Variants in CMIP observed in about 807,000 individuals in gnomAD.
The protein encoded by CMIP is C-Maf-inducing protein.
Under a neutral mutation model 97.3 loss-of-function variants are expected in CMIP, and 13 were observed. The ratio of observed to expected loss-of-function variants is 0.13; its 90% CI spans 0.09 to 0.21. CMIP has a LOEUF of 0.21. Ranked by LOEUF, CMIP falls within the 10% of genes least tolerant of loss-of-function variation. The pLI is 1.00. For synonymous variants in CMIP, 538 were observed against 436.3 expected (o/e 1.23, Z -2.91); for missense variants, 847 against 1,024.9 (o/e 0.83, Z 2.37).
intron 1 of CMIP, among the ~76,000 whole-genome samples, chr16:81,583,017 C>T (rs976644929): frequency 6.6e-6 from 1 of 152,162 alleles, no homozygotes; most frequent in Non-Finnish European, 1.5e-5. Context: ...CTACTCCCTG[C>T]CATCTGCTTA....
intron 1 of CMIP, among the ~76,000 whole-genome samples, chr16:81,576,328 C>T (rs540866830): frequency 7.9e-5 from 12 of 152,098 alleles, no homozygotes; most frequent in South Asian, 2.1e-4. Context: ...CGCTTGAACC[C>T]GGGAGGCAGG....
rs115109166 is a variant in CMIP at position 81,507,486 on chromosome 16, A to G, written c.300+61945A>G. 2.1e-3 allele frequency among the ~76,000 whole-genome samples: 320 copies of G among 152,360 alleles called. 1 individual carries two copies. Among genetic ancestry groups the G allele is most frequent in the African/African-American group, 7.2e-3 (298 of 41,584 alleles). On this transcript the variant is annotated intron_variant, in intron 1 of 20. Coordinates refer to ENST00000537098, the MANE Select transcript of CMIP (RefSeq NM_198390.3). ...AAAGATTAAGTAATTTAACTAATAT[A>G]TAATTTAGAACATGGCTCATCTTCT...
chr16:81,657,429 C>T (rs1010383609), intron 4 of CMIP, among the ~76,000 whole-genome samples: 3 of 152,098 alleles, frequency 2.0e-5, no homozygotes, highest in Admixed American at 6.5e-5. Context: ...TTCACTTTGA[C>T]GAGGGCCAGA....
At chr16:81,622,240 A>G (rs1022593348) in intron 3 of CMIP, 22 of 152,166 alleles carry the variant, frequency 1.4e-4, no homozygotes, top group African/African-American at 5.3e-4. Flanking sequence ...CCTTTCCAGT[A>G]CCTGTATGTA....
intron 1 of CMIP, among the ~76,000 whole-genome samples, chr16:81,451,159 A>G (rs368767755): frequency 1.3e-4 from 20 of 152,298 alleles, no homozygotes; most frequent in African/African-American, 4.3e-4. Context: ...TGTAGCTCCC[A>G]TAATTCCCTT....
intron 1 of CMIP, among the ~76,000 whole-genome samples, chr16:81,447,938 A>G (rs1905961845): frequency 6.6e-6 from 1 of 152,222 alleles, no homozygotes; most frequent in African/African-American, 2.4e-5. Flanking sequence ...TCGGGGAAGC[A>G]GCGGAGCCCC....
intron 1 of CMIP, among the ~76,000 whole-genome samples, chr16:81,579,645 C>T (rs867750123): frequency 1.1e-4 from 17 of 152,170 alleles, no homozygotes; most frequent in Admixed American, 5.2e-4. Context: ...CAACACCTCC[C>T]GCTGAGTGTC....
In CMIP at chr16:81,678,639, C is replaced by CA. The variant is rs1555549292; in HGVS notation, c.1388+11_1388+12insA. ...AATCCTCAAGCTGCTGTGAGTGCCC[C>CA]CCCCGCGTGCCCGCCCCCGGGGCCG... On this transcript the variant is annotated intron_variant, in intron 10 of 20. Coordinates refer to ENST00000537098, the MANE Select transcript of CMIP (RefSeq NM_198390.3). 5.2e-5 allele frequency: 71 copies of CA among 1,357,626 alleles called. No individual in the cohort carries two copies. The highest frequency in any genetic ancestry group is 7.0e-5 in the Non-Finnish European group (68 of 967,610). The allele number at this position is 1,357,626 out of a possible 1,614,324, so 84.1% of individuals were successfully genotyped here. A position where few individuals can be genotyped will look rare whatever the true frequency, so the allele number is the denominator to read the frequency against.
intron 1 of CMIP, among the ~76,000 whole-genome samples, chr16:81,473,433 G>C (rs1334831254): frequency 2.0e-5 from 3 of 151,446 alleles, no homozygotes; most frequent in Non-Finnish European, 2.9e-5. Flanking sequence ...GTGCGTTTTT[G>C]AATTTGTCTT....
chr16:81,706,217 A>C (rs779446443), intron 19 of CMIP, among the ~76,000 whole-genome samples: 30 of 152,190 alleles, frequency 2.0e-4, no homozygotes, highest in Non-Finnish European at 3.5e-4. Flanking sequence ...TTCCAGGCCC[A>C]CTGCTTTAGA....
At chr16:81,564,423 T>C (rs2090942400) in intron 1 of CMIP, among the ~76,000 whole-genome samples, 1 of 152,160 alleles carries the variant, frequency 6.6e-6, no homozygotes, top group East Asian at 1.9e-4. Context: ...AGAGCAGAAA[T>C]AAAACCACAA....
chr16:81,500,437 CTCTCTCCCTT>C, intron 1 of CMIP, among the ~76,000 whole-genome samples: 1 of 124,836 alleles, frequency 8.0e-6, no homozygotes, highest in African/African-American at 3.0e-5. Flanking sequence ...CTCCCTCTCT[CTCTCTCCCTT>C]CCTCCCTCCC....
chr16:81,520,996 A>AC (rs1029877743), intron 1 of CMIP, among the ~76,000 whole-genome samples: 1 of 151,086 alleles, frequency 6.6e-6, no homozygotes. Flanking sequence ...CAGAAAAAGG[A>AC]CCCCCCGCCC....
chr16:81,579,635 C>G (rs2091261465), intron 1 of CMIP, among the ~76,000 whole-genome samples: 1 of 152,162 alleles, frequency 6.6e-6, no homozygotes, highest in African/African-American at 2.4e-5. Flanking sequence ...CCCCTGAAGG[C>G]AACACCTCCC....
chr16:81,689,448 A>C (rs1160883217), intron 10 of CMIP, among the ~76,000 whole-genome samples: 1 of 152,196 alleles, frequency 6.6e-6, no homozygotes, highest in Non-Finnish European at 1.5e-5. Context: ...TGGCTGCATA[A>C]ATGTCTTCTT....
chr16:81,458,516 C>T (rs912447095), intron 1 of CMIP, among the ~76,000 whole-genome samples: 2 of 152,112 alleles, frequency 1.3e-5, no homozygotes, highest in Admixed American at 6.5e-5. Flanking sequence ...GGTGCTCCTG[C>T]GTAGGGCCCT....
At chr16:81,544,511 C>T (rs1018787583) in intron 1 of CMIP, among the ~76,000 whole-genome samples, 2 of 151,358 alleles carry the variant, frequency 1.3e-5, no homozygotes, top group African/African-American at 2.4e-5. Context: ...CTGACCTTCC[C>T]GGCCTCTGTG....
At chr16:81,501,810 C>A (rs182492064) in intron 1 of CMIP, among the ~76,000 whole-genome samples, 21 of 152,200 alleles carry the variant, frequency 1.4e-4, no homozygotes, top group Non-Finnish European at 2.6e-4. Context: ...CGGGATTTCA[C>A]CCTGTTGGCC....
At chr16:81,576,432 C>CA (rs2091190213) in intron 1 of CMIP, among the ~76,000 whole-genome samples, 1 of 151,972 alleles carries the variant, frequency 6.6e-6, no homozygotes, top group South Asian at 2.1e-4. Flanking sequence ...AACAAACAAA[C>CA]AAAAAACAGA....
Sources: allele counts gnomAD v4.1 joint callset (sites outside exome capture counted in the v4.1 genomes callset), GRCh38; gene constraint gnomAD v4.1.1; transcripts MANE v1.5; gene names NCBI Gene and HGNC (gene_info 2026-07-23, HGNC 2026-07-21).